PLA2G4E: variants seen among roughly 807,000 people sequenced by gnomAD.
PLA2G4E encodes cytosolic phospholipase A2 epsilon.
A neutral mutation model predicts 109.1 loss-of-function variants in PLA2G4E; 84 were observed. The ratio of observed to expected loss-of-function variants is 0.77; its 90% CI spans 0.65 to 0.92. The LOEUF is 0.92. Ranked by LOEUF, PLA2G4E falls within the 40% of genes least tolerant of loss-of-function variation. PLA2G4E has a pLI of 0.00. For missense variants in PLA2G4E, 1,057 were observed against 1,076.6 expected (o/e 0.98, Z 0.25); for synonymous variants, 469 against 436.1 (o/e 1.08, Z -0.94).
At chr15:42,050,065 A>G (rs960156070) in intron 1 of PLA2G4E, among the ~76,000 whole-genome samples, 5 of 152,180 alleles carry the variant, frequency 3.3e-5, no homozygotes, top group African/African-American at 1.2e-4. Context: ...CCAGGCCACT[A>G]TGCTAGACTG....
rs532017928 is a variant in PLA2G4E at position 41,987,495 on chromosome 15, C to A, written c.1832-120G>T. On this transcript the variant is annotated intron_variant, in intron 16 of 19. Coordinates refer to ENST00000399518, the Ensembl canonical transcript of PLA2G4E. ...TGAGCACTGTAAAAGCAGCTCATAC[C>A]TTCCTTGCTGGGCTCTCAAGGTCCT... 23 of 889,490 alleles carry A rather than the reference C, an allele frequency of 2.6e-5. No individual in the cohort carries two copies. The South Asian group carries it at 3.6e-4, about 14-fold the overall frequency. The allele number at this position is 889,490 out of a possible 1,614,324, so 55.1% of individuals were successfully genotyped here. A position where few individuals can be genotyped will look rare whatever the true frequency, so the allele number is the denominator to read the frequency against.
At chr15:42,022,343 G>A (rs750862995) in intron 1 of PLA2G4E, among the ~76,000 whole-genome samples, 11 of 152,284 alleles carry the variant, frequency 7.2e-5, no homozygotes, top group South Asian at 2.1e-4. Flanking sequence ...TGGTTTCACC[G>A]AGGTTAATTT....
At chr15:42,007,809 G>A in exon 3 of PLA2G4E, 1 of 1,611,262 alleles carries the variant, frequency 6.2e-7, no homozygotes, top group Non-Finnish European at 8.5e-7. Flanking sequence ...CTTGTCCTCA[G>A]CTTCTTCTGA....
exon 15 of PLA2G4E, chr15:41,989,552 T>C (rs780511130): frequency 3.7e-6 from 6 of 1,612,852 alleles, no homozygotes; most frequent in Non-Finnish European, 5.1e-6. Context: ...CTCGAACCAC[T>C]CTGCACATGA....
At chr15:41,985,317 C>T (rs2068123270) in intron 18 of PLA2G4E, among the ~76,000 whole-genome samples, 1 of 152,144 alleles carries the variant, frequency 6.6e-6, no homozygotes, top group Non-Finnish European at 1.5e-5. Context: ...CGCCTGGCTT[C>T]AGGGTAGAAC....
At chr15:41,995,529 G>A (rs375325291) in intron 11 of PLA2G4E, 33 bp from the exon 12 acceptor site, 11 of 1,607,104 alleles carry the variant, frequency 6.8e-6, no homozygotes, top group Non-Finnish European at 9.4e-6. Context: ...GGTTGGGGAA[G>A]GCTCCAGAAG....
At chr15:42,005,892 TAC>T (rs2068470645) in intron 4 of PLA2G4E, 96 bp downstream of exon 4, 1 of 1,419,566 alleles carries the variant, frequency 7.0e-7, no homozygotes, top group African/African-American at 1.4e-5. Flanking sequence ...CTTGACTGTG[TAC>T]ACAGAGAAGA....
intron 1 of PLA2G4E, among the ~76,000 whole-genome samples, chr15:42,022,781 C>A (rs1402057075): frequency 6.6e-6 from 1 of 152,156 alleles, no homozygotes; most frequent in Non-Finnish European, 1.5e-5. Flanking sequence ...CCAAACAGGC[C>A]ACGGACTGGT....
intron 1 of PLA2G4E, among the ~76,000 whole-genome samples, chr15:42,039,216 A>G (rs572242648): frequency 6.6e-6 from 1 of 152,340 alleles, no homozygotes; most frequent in Admixed American, 6.5e-5. Flanking sequence ...TGCCCAAGTA[A>G]TTACACTCTT....
chr15:42,016,468 G>T (rs56249712), intron 1 of PLA2G4E, among the ~76,000 whole-genome samples: 3,231 of 152,064 alleles, frequency 0.021, 49 homozygotes, highest in Non-Finnish European at 0.034. Context: ...CTCCTGAGTA[G>T]CTGGACTACA....
At chr15:42,034,954 C>T (rs1181880266) in intron 1 of PLA2G4E, among the ~76,000 whole-genome samples, 2 of 152,232 alleles carry the variant, frequency 1.3e-5, no homozygotes, top group Non-Finnish European at 1.5e-5. Flanking sequence ...GAACTCCACA[C>T]AGACTCCTGA....
At chr15:42,035,281 C>G (rs1039587576) in intron 1 of PLA2G4E, among the ~76,000 whole-genome samples, 2 of 152,194 alleles carry the variant, frequency 1.3e-5, no homozygotes, top group African/African-American at 4.8e-5. Context: ...ATATGTCTAC[C>G]CACCACTCAC....
At position 42,001,199 on chromosome 15, in the gene PLA2G4E, C is replaced by A; in HGVS notation, c.631G>T (p.Glu211Ter). The change falls in exon 7 of 20, where the codon GAG becomes TAG. Residue 211 changes from glutamate (E) to a stop codon, truncating the protein, a stop_gained. Coordinates refer to ENST00000399518, the Ensembl canonical transcript of PLA2G4E. LOFTEE classifies it high-confidence loss of function. ...CGCCTCCTGGATTGTGCATGAACCT[C>A]CAGGCAGGAGACTTGTCGAGACTGT... 1 of 1,613,752 alleles carries A rather than the reference C, an allele frequency of 6.2e-7. No individual in the cohort carries two copies. The highest frequency in any genetic ancestry group is 8.5e-7 in the Non-Finnish European group (1 of 1,179,724).
At chr15:42,037,236 C>T (rs1889233494) in intron 1 of PLA2G4E, among the ~76,000 whole-genome samples, 1 of 152,212 alleles carries the variant, frequency 6.6e-6, no homozygotes, top group Non-Finnish European at 1.5e-5. Context: ...ACCTTCAGGC[C>T]AGGCTGCCAG....
chr15:42,033,577 C>T (rs539156190), intron 1 of PLA2G4E, among the ~76,000 whole-genome samples: 8 of 15,618 alleles, frequency 5.1e-4, no homozygotes, highest in Non-Finnish European at 7.0e-4. Flanking sequence ...AAAGGACATC[C>T]TGGGTGGGTG....
At chr15:41,996,755 A>G (rs961659859) in intron 11 of PLA2G4E, among the ~76,000 whole-genome samples, 3 of 152,204 alleles carry the variant, frequency 2.0e-5, no homozygotes, top group Non-Finnish European at 4.4e-5. Flanking sequence ...TTGAGGAAAG[A>G]AGGACCTAAG....
intron 1 of PLA2G4E, among the ~76,000 whole-genome samples, chr15:42,016,699 CCCTTT>C (rs1475786582): frequency 1.3e-5 from 2 of 152,094 alleles, no homozygotes; most frequent in Admixed American, 6.5e-5. Context: ...GTTATTTAGC[CCCTTT>C]TAAGGTCTCT....
At position 42,007,605 on chromosome 15, in the gene PLA2G4E, G is replaced by A. The variant is rs2068489343; in HGVS notation, c.393+124C>T. Reference sequence around the variant, plus strand: ...TGTGAGTGGGAAGACAGGTTTGTAGGACAAGAAGTAGGCAGAAAGGAAAAC... The same window carrying A: ...TGTGAGTGGGAAGACAGGTTTGTAGAACAAGAAGTAGGCAGAAAGGAAAAC... On this transcript the variant is annotated intron_variant, in intron 3 of 19. Coordinates refer to ENST00000399518, the Ensembl canonical transcript of PLA2G4E. 4.8e-6 allele frequency: 6 copies of A among 1,246,810 alleles called. No homozygotes were observed. In the South Asian group the frequency reaches 8.8e-5, roughly 18 times the overall value. The allele number at this position is 1,246,810 out of a possible 1,614,324, so 77.2% of individuals were successfully genotyped here. A position where few individuals can be genotyped will look rare whatever the true frequency, so the allele number is the denominator to read the frequency against.
rs1382315749 is a variant in PLA2G4E, at chr15:41,988,250, C to A, written c.1724-94G>T. ...CCACTCCCCCCACCCCCCCACCCCA[C>A]GCAAGCCAGGCTGCTCCACAGGCGG... On this transcript the variant is annotated intron_variant, in intron 15 of 19. Transcript: ENST00000399518. 3.3e-5 allele frequency: 29 copies of A among 889,794 alleles called. No homozygotes were observed. In the East Asian group the frequency reaches 8.0e-4, roughly 25 times the overall value. The allele number at this position is 889,794 out of a possible 1,614,324, so 55.1% of individuals were successfully genotyped here. A position where few individuals can be genotyped will look rare whatever the true frequency, so the allele number is the denominator to read the frequency against.
Sources: allele counts gnomAD v4.1 joint callset (sites outside exome capture counted in the v4.1 genomes callset), GRCh38; gene constraint gnomAD v4.1.1; transcripts MANE v1.5; gene names NCBI Gene and HGNC (gene_info 2026-07-23, HGNC 2026-07-21).